Variants in MICAL3 observed in about 807,000 individuals in gnomAD.
MICAL3 encodes microtubule associated monooxygenase, calponin and LIM domain containing 3, also known as [F-actin]-monooxygenase MICAL3.
MICAL3 carries 62 observed loss-of-function variants against 207.4 expected under a neutral mutation model. The observed-to-expected ratio is 0.30, with a 90% confidence interval of 0.24 to 0.37. The LOEUF (loss-of-function observed/expected upper bound fraction) is 0.37. Among genes scored for constraint, MICAL3 ranks in the 10% least tolerant of loss-of-function variants. The pLI, the probability that MICAL3 is intolerant of heterozygous loss-of-function variation, is 1.00. For synonymous variants in MICAL3, 1,077 were observed against 1,069.3 expected (o/e 1.01, Z -0.14); for missense variants, 2,368 against 2,635.6 (o/e 0.90, Z 2.22).
chr22:17,838,098 C>A (rs1264411198), intron 20 of MICAL3, among the ~76,000 whole-genome samples: 2 of 152,324 alleles, frequency 1.3e-5, no homozygotes, highest in East Asian at 3.9e-4. Context: ...AGCCACCATG[C>A]CTGGCTGCAA....
At chr22:17,871,275 A>C (rs1023224834) in intron 17 of MICAL3, among the ~76,000 whole-genome samples, 1 of 152,228 alleles carries the variant, frequency 6.6e-6, no homozygotes, top group African/African-American at 2.4e-5. Flanking sequence ...ATGTTGCCAA[A>C]GACCAGGCCT....
At chr22:17,837,178 G>A (rs192197767) in intron 20 of MICAL3, among the ~76,000 whole-genome samples, 18 of 152,348 alleles carry the variant, frequency 1.2e-4, no homozygotes, top group Non-Finnish European at 2.1e-4. Flanking sequence ...CATCCTGCTC[G>A]GCAATGGCTC....
At chr22:17,839,766 C>G (rs1298871140) in intron 20 of MICAL3, 1 of 151,702 alleles carries the variant, frequency 6.6e-6, no homozygotes. Context: ...TGGGGTTTCA[C>G]CATGTTGGCC....
At chr22:17,850,409 T>TG (rs2146099033) in intron 19 of MICAL3, among the ~76,000 whole-genome samples, 1 of 127,454 alleles carries the variant, frequency 7.8e-6, no homozygotes, top group African/African-American at 3.2e-5. Context: ...AGTTTTTTTT[T>TG]TTTTTTTTTT....
intron 17 of MICAL3, among the ~76,000 whole-genome samples, chr22:17,867,457 A>C (rs1252807397): frequency 6.6e-6 from 1 of 152,238 alleles, no homozygotes; most frequent in Non-Finnish European, 1.5e-5. Flanking sequence ...GGATAAGGTA[A>C]GATGTATGAG....
At chr22:17,998,974 A>T (rs748149310) in intron 1 of MICAL3, among the ~76,000 whole-genome samples, 4 of 152,136 alleles carry the variant, frequency 2.6e-5, no homozygotes, top group African/African-American at 4.8e-5. Flanking sequence ...TTCACATGGA[A>T]CCTGCTACAA....
intron 1 of MICAL3, among the ~76,000 whole-genome samples, chr22:17,959,010 GTTTTT>G (rs34107784): frequency 1.2e-5 from 1 of 85,866 alleles, no homozygotes; most frequent in Non-Finnish European, 2.1e-5. Flanking sequence ...CGGGCCTGGG[GTTTTT>G]TTTTTTTTTT....
At chr22:17,834,033 G>C (rs1923094398) in intron 20 of MICAL3, among the ~76,000 whole-genome samples, 1 of 152,132 alleles carries the variant, frequency 6.6e-6, no homozygotes, top group Admixed American at 6.5e-5. Context: ...GCGAGCTCTA[G>C]CAAACTATCA....
intron 17 of MICAL3, among the ~76,000 whole-genome samples, chr22:17,870,331 G>A (rs1012944768): frequency 6.6e-6 from 1 of 152,150 alleles, no homozygotes; most frequent in African/African-American, 2.4e-5. Context: ...GAACTTCACA[G>A]ATTTCCTCCT....
At position 17,827,621 on chromosome 22, in the gene MICAL3, G is replaced by A. The variant is rs537661305; in HGVS notation, c.3193+23C>T. 2.0e-5 allele frequency: 31 copies of A among 1,540,936 alleles called. No homozygotes were observed. In the South Asian group the frequency reaches 2.2e-4, roughly 11 times the overall value. On this transcript the variant is annotated intron_variant, in intron 22 of 31. Transcript: ENST00000441493. The stretch of plus-strand genomic sequence containing the variant: ...GCGGGTGGTGCTCGGGGCACACTGC[G>A]GCCTGGGGCTGGGAGTGTTTACCTC...
intron 1 of MICAL3, among the ~76,000 whole-genome samples, chr22:17,930,088 C>T (rs1933167384): frequency 6.6e-6 from 1 of 151,994 alleles, no homozygotes; most frequent in African/African-American, 2.4e-5. Flanking sequence ...ATATTAGTCA[C>T]AGGAAGTCCA....
At chr22:17,856,387 A>G (rs1046088528) in intron 19 of MICAL3, among the ~76,000 whole-genome samples, 5 of 152,186 alleles carry the variant, frequency 3.3e-5, no homozygotes, top group Non-Finnish European at 5.9e-5. Flanking sequence ...ACAGCAAGCC[A>G]GTGCGGACTC....
chr22:17,969,743 G>A (rs193225178), intron 1 of MICAL3, among the ~76,000 whole-genome samples: 227 of 152,346 alleles, frequency 1.5e-3, no homozygotes, highest in African/African-American at 5.0e-3. Flanking sequence ...AGCCGATGCT[G>A]CTAGCCAGAA....
intron 1 of MICAL3, among the ~76,000 whole-genome samples, chr22:17,977,279 GC>G (rs1378864153): frequency 1.3e-5 from 2 of 152,132 alleles, no homozygotes; most frequent in Non-Finnish European, 2.9e-5. Context: ...AAAAATATCT[GC>G]AAATCAGGTA....
intron 5 of MICAL3, 145 bp from the exon 6 acceptor site, chr22:17,901,142 G>A (rs1240088851): frequency 1.3e-5 from 9 of 716,686 alleles, no homozygotes; most frequent in Non-Finnish European, 1.9e-5. Flanking sequence ...TTCTGCAGAT[G>A]AAAATAAGGC....
At chr22:17,838,453 C>A (rs1285232103) in intron 20 of MICAL3, among the ~76,000 whole-genome samples, 2 of 152,160 alleles carry the variant, frequency 1.3e-5, no homozygotes, top group African/African-American at 4.8e-5. Context: ...GTGAGGGAGA[C>A]CTGTGCTGTA....
intron 20 of MICAL3, among the ~76,000 whole-genome samples, chr22:17,838,261 T>C (rs963593110): frequency 2.0e-5 from 3 of 152,228 alleles, no homozygotes; most frequent in Non-Finnish European, 4.4e-5. Flanking sequence ...CCAGAGGCGC[T>C]GAATCAGAAA....
At chr22:17,996,936 A>T in intron 1 of MICAL3, among the ~76,000 whole-genome samples, 1 of 152,084 alleles carries the variant, frequency 6.6e-6, no homozygotes, top group Non-Finnish European at 1.5e-5. Flanking sequence ...CAGCTCAAGC[A>T]AAATGGCCTG....
At chr22:17,925,384 G>A (rs891927828) in intron 1 of MICAL3, among the ~76,000 whole-genome samples, 1 of 152,168 alleles carries the variant, frequency 6.6e-6, no homozygotes. Flanking sequence ...AGAGTCACCC[G>A]TTTTCAGTGT....
Sources: gnomAD v4.1 joint callset for allele counts (sites outside exome capture counted in the v4.1 genomes callset) on GRCh38, gnomAD v4.1.1 for gene constraint, MANE v1.5 for transcripts, NCBI Gene and HGNC (gene_info 2026-07-23, HGNC 2026-07-21) for gene names.